Variants in UBXN8 observed in about 807,000 individuals in gnomAD.
UBXN8 encodes the protein UBX domain-containing protein 8.
Under a neutral mutation model 32.1 loss-of-function variants are expected in UBXN8, and 27 were observed. The ratio of observed to expected loss-of-function variants is 0.84; its 90% CI spans 0.62 to 1.16. The LOEUF is 1.16. UBXN8 is among the 50% of genes most tolerant of loss of function. UBXN8 has a pLI of 0.00. For synonymous variants in UBXN8, 109 were observed against 111.8 expected, an observed-to-expected ratio of 0.98 and a Z score of 0.16; for missense variants, 306 against 311.4, an observed-to-expected ratio of 0.98 and a Z score of 0.13.
At chr8:30,738,001 G>A (rs1805104733) in intron 1 of UBXN8, among the ~76,000 whole-genome samples, 1 of 151,960 alleles carries the variant, frequency 6.6e-6, no homozygotes, top group Non-Finnish European at 1.5e-5. Flanking sequence ...GCTCATGCCT[G>A]TTATCTCAGC....
intron 1 of UBXN8, among the ~76,000 whole-genome samples, chr8:30,734,841 G>A (rs1805040040): frequency 6.6e-6 from 1 of 152,118 alleles, no homozygotes; most frequent in Admixed American, 6.6e-5. Context: ...CTACTCAGGA[G>A]GCTGAGGTAG....
intron 1 of UBXN8, among the ~76,000 whole-genome samples, chr8:30,735,798 T>C (rs11986999): frequency 0.25 from 38,235 of 151,898 alleles, 5,490 homozygotes; most frequent in African/African-American, 0.4. Context: ...GAGATCACAC[T>C]ACCGCACCCC....
At chr8:30,732,345 A>G (rs922455125), upstream of UBXN8, 4 of 398,166 alleles carry the variant, frequency 1.0e-5, no homozygotes, top group African/African-American at 4.1e-5. Context: ...TGTCCAAGAA[A>G]AAAAGCTCAG....
At chr8:30,749,857 G>C (rs530792227) in intron 1 of UBXN8, among the ~76,000 whole-genome samples, 10 of 152,106 alleles carry the variant, frequency 6.6e-5, no homozygotes, top group South Asian at 6.2e-4. Context: ...GCCTGCCTCG[G>C]CCTCCCAAAG....
At chr8:30,763,828 TA>T (rs1805927843) in intron 7 of UBXN8, among the ~76,000 whole-genome samples, 1 of 152,048 alleles carries the variant, frequency 6.6e-6, no homozygotes, top group Non-Finnish European at 1.5e-5. Context: ...CCATCTCTAC[TA>T]AAAATAAGAA....
chr8:30,736,581 TC>T (rs1805074390), intron 1 of UBXN8, among the ~76,000 whole-genome samples: 1 of 152,196 alleles, frequency 6.6e-6, no homozygotes, highest in African/African-American at 2.4e-5. Flanking sequence ...CAAGCGATTC[TC>T]CTGCTTCAGC....
intron 3 of UBXN8, 135 bp from the exon 4 acceptor site, chr8:30,754,530 A>G: frequency 8.1e-7 from 1 of 1,239,098 alleles, no homozygotes; most frequent in South Asian, 1.5e-5. Flanking sequence ...ACAACCAAGC[A>G]GCCAAACAGG....
At chr8:30,736,318 A>G (rs1045084153) in intron 1 of UBXN8, among the ~76,000 whole-genome samples, 2 of 152,236 alleles carry the variant, frequency 1.3e-5, no homozygotes, top group African/African-American at 4.8e-5. Flanking sequence ...GAAATCACAC[A>G]TGCACTGAGG....
intron 4 of UBXN8, 106 bp from the exon 5 acceptor site, chr8:30,756,659 A>G: frequency 6.8e-7 from 1 of 1,480,852 alleles, no homozygotes; most frequent in Non-Finnish European, 9.1e-7. Context: ...ATATTTTTCT[A>G]CTGATATGCC....
intron 7 of UBXN8, among the ~76,000 whole-genome samples, chr8:30,764,836 G>T (rs554437716): frequency 6.6e-6 from 1 of 152,236 alleles, no homozygotes; most frequent in African/African-American, 2.4e-5. Context: ...CGGATCATGA[G>T]GTCAAGAGAT....
At chr8:30,745,479 A>G (rs941935674) in intron 1 of UBXN8, among the ~76,000 whole-genome samples, 4 of 152,182 alleles carry the variant, frequency 2.6e-5, no homozygotes, top group African/African-American at 9.7e-5. Context: ...AGAGACCATA[A>G]TGAAACTTGG....
Position 30,766,402 on chromosome 8 carries a change from G to T in UBXN8, c.*8G>T. ...AAGGAGCAGACCAACTAGGAAAGAA[G>T]GGAGAGCTCCCTGTTTGCATGAAGT... On this transcript the variant is annotated 3_prime_UTR_variant, in exon 8 of 8. Coordinates refer to ENST00000265616, the MANE Select transcript of UBXN8 (RefSeq NM_005671.4). 6.3e-7 allele frequency: 1 copy of T among 1,584,908 alleles called. No homozygotes were observed. Among genetic ancestry groups the T allele is most frequent in the South Asian group, 1.1e-5 (1 of 87,968 alleles).
rs560658426 is a variant in UBXN8, at chr8:30,765,865, G to A, written c.646-362G>A. The stretch of plus-strand genomic sequence containing the variant: ...TCTACTAAAAATACAAAAATTAGCT[G>A]GGCATGGTAGTGGGCGCCTGTATAA... On this transcript the variant is annotated intron_variant, in intron 7 of 7. Coordinates refer to ENST00000265616, the MANE Select transcript of UBXN8 (RefSeq NM_005671.4). 2.6e-5 allele frequency among the ~76,000 whole-genome samples: 4 copies of A among 151,874 alleles called. No individual in the cohort carries two copies. In the South Asian group the frequency reaches 8.3e-4, roughly 32 times the overall value.
upstream of UBXN8, among the ~76,000 whole-genome samples, chr8:30,743,631 CCAGGACCTGG>C: frequency 6.6e-6 from 1 of 152,312 alleles, no homozygotes; most frequent in Non-Finnish European, 1.5e-5. Flanking sequence ...TAGCGGGTCT[CCAGGACCTGG>C]CATTAGGACG....
intron 6 of UBXN8, among the ~76,000 whole-genome samples, chr8:30,761,891 C>G (rs944502001): frequency 6.6e-6 from 1 of 151,984 alleles, no homozygotes; most frequent in Non-Finnish European, 1.5e-5. Context: ...TTCCCAGTTG[C>G]TGGGTCATAG....
At chr8:30,751,560 CAAATT>C in intron 2 of UBXN8, 42 bp downstream of exon 2, 1 of 1,508,724 alleles carries the variant, frequency 6.6e-7, no homozygotes, top group South Asian at 1.3e-5. Flanking sequence ...CCATTCTACT[CAAATT>C]TATTTATTCT....
At chr8:30,764,450 G>A (rs532243648) in intron 7 of UBXN8, among the ~76,000 whole-genome samples, 5 of 152,284 alleles carry the variant, frequency 3.3e-5, no homozygotes, top group Admixed American at 2.0e-4. Flanking sequence ...GATTACAGGC[G>A]TGACCCACCA....
In UBXN8 at chr8:30,766,278, C is replaced by G. The variant is rs780666088; in HGVS notation, c.697C>G (p.Leu233Val). Reference protein sequence around the residue: ...RIGYHISLYSLSTSFPRRPLA... With the variant: ...RIGYHISLYSVSTSFPRRPLA... ...TGGGTACCACATATCTCTATACAGC[C>G]TTTCTACTTCCTTTCCCAGACGGCC... is the stretch of plus-strand genomic sequence containing the variant. The change falls in exon 8 of 8, where the codon CTT becomes GTT. Residue 233 changes from leucine to valine, a missense_variant. Leu to Val is a conservative substitution (Grantham distance 32, BLOSUM62 1). Transcript: ENST00000265616. 15 of 1,613,694 alleles carry G rather than the reference C, an allele frequency of 9.3e-6. No homozygotes were observed. The highest frequency in any genetic ancestry group is 1.0e-5 in the Non-Finnish European group (12 of 1,179,798).
chr8:30,735,557 C>T (rs73247217), intron 1 of UBXN8, among the ~76,000 whole-genome samples: 23,275 of 152,058 alleles, frequency 0.15, 1,919 homozygotes, highest in South Asian at 0.3. Flanking sequence ...AAAAAAACAA[C>T]GCCGAGCTCA....
Sources: allele counts gnomAD v4.1 joint callset (sites outside exome capture counted in the v4.1 genomes callset), GRCh38; gene constraint gnomAD v4.1.1; transcripts MANE v1.5; gene names NCBI Gene and HGNC (gene_info 2026-07-23, HGNC 2026-07-21).